The following GPC6 variants were observed in gnomAD, a reference collection of about 807,000 sequenced individuals.
The protein encoded by GPC6 is glypican 6, also known as glypican-6.
Under a neutral mutation model 55.2 loss-of-function variants are expected in GPC6, and 14 were observed. The observed-to-expected ratio is 0.25, with a 90% CI of 0.17 to 0.40. The LOEUF (loss-of-function observed/expected upper bound fraction) is 0.40, where lower values mean the gene tolerates loss of function less well. Ranked by LOEUF, GPC6 falls within the 10% of genes least tolerant of loss-of-function variation. GPC6 has a pLI of 1.00. For synonymous variants in GPC6, 278 were observed against 259.6 expected (o/e 1.07, Z -0.68); for missense variants, 641 against 708.5 (o/e 0.90, Z 1.08).
intron 3 of GPC6, among the ~76,000 whole-genome samples, chr13:93,980,548 A>T (rs1447398704): frequency 6.6e-6 from 1 of 152,104 alleles, no homozygotes; most frequent in Non-Finnish European, 1.5e-5. Flanking sequence ...CTCTAGCTAG[A>T]TCCTCTTTAT....
intron 2 of GPC6, among the ~76,000 whole-genome samples, chr13:93,546,416 T>C (rs1566416514): frequency 6.6e-6 from 1 of 152,218 alleles, no homozygotes; most frequent in Non-Finnish European, 1.5e-5. Context: ...ACAGCAACAC[T>C]GATCTTTTTC....
intron 6 of GPC6, among the ~76,000 whole-genome samples, chr13:94,322,560 C>T (rs1446145475): frequency 1.3e-5 from 2 of 151,926 alleles, no homozygotes; most frequent in South Asian, 2.1e-4. Flanking sequence ...CTGTTTTCAG[C>T]CCAGTTAAAA....
intron 2 of GPC6, among the ~76,000 whole-genome samples, chr13:93,608,715 C>T (rs972905709): frequency 3.3e-5 from 5 of 152,174 alleles, no homozygotes; most frequent in Admixed American, 1.3e-4. Flanking sequence ...AAGTTCTGTG[C>T]AACCGCTGTC....
intron 2 of GPC6, among the ~76,000 whole-genome samples, chr13:93,563,712 C>T (rs941302808): frequency 1.3e-5 from 2 of 149,480 alleles, no homozygotes; most frequent in Non-Finnish European, 3.0e-5. Context: ...TCAAGAAAAA[C>T]GTCTGGAGCC....
At chr13:93,906,581 T>C (rs1008703634) in intron 3 of GPC6, among the ~76,000 whole-genome samples, 1 of 152,176 alleles carries the variant, frequency 6.6e-6, no homozygotes, top group Non-Finnish European at 1.5e-5. Context: ...TGTTATCAGA[T>C]ACTTAAGGCA....
intron 1 of GPC6, among the ~76,000 whole-genome samples, chr13:93,277,184 C>T (rs893657296): frequency 1.3e-5 from 2 of 151,930 alleles, no homozygotes; most frequent in African/African-American, 4.8e-5. Flanking sequence ...ATAATTTTAC[C>T]GTGGGTGAAG....
chr13:93,917,406 A>G (rs2140341622), intron 3 of GPC6, among the ~76,000 whole-genome samples: 1 of 152,322 alleles, frequency 6.6e-6, no homozygotes, highest in Admixed American at 6.5e-5. Flanking sequence ...CCACACACAA[A>G]AAAACATTGT....
chr13:94,117,085 T>C (rs998706626), intron 4 of GPC6, among the ~76,000 whole-genome samples: 1 of 152,098 alleles, frequency 6.6e-6, no homozygotes, highest in African/African-American at 2.4e-5. Flanking sequence ...GACGTTAATA[T>C]CTTGTTAATT....
At chr13:94,296,944 A>G (rs887670192) in intron 5 of GPC6, among the ~76,000 whole-genome samples, 2 of 151,426 alleles carry the variant, frequency 1.3e-5, no homozygotes, top group Non-Finnish European at 2.9e-5. Context: ...AGTTTATACA[A>G]CTTAATTTTT....
intron 2 of GPC6, among the ~76,000 whole-genome samples, chr13:93,584,096 A>G (rs190290950): frequency 6.6e-6 from 1 of 152,340 alleles, no homozygotes; most frequent in East Asian, 1.9e-4. Context: ...TAGGAAAGGG[A>G]ATAATGAATA....
intron 1 of GPC6, among the ~76,000 whole-genome samples, chr13:93,244,280 C>T (rs1284323071): frequency 6.6e-6 from 1 of 152,304 alleles, no homozygotes; most frequent in Non-Finnish European, 1.5e-5. Context: ...CTGCAAGGGC[C>T]GGCTGGGTCC....
At position 93,519,856 on chromosome 13, in the gene GPC6, A is replaced by G. The variant is rs370988060; in HGVS notation, c.161-25407A>G. Among the ~76,000 whole-genome samples, 6 of 152,146 alleles carry G rather than the reference A, an allele frequency of 3.9e-5. No individual in the cohort carries two copies. In the South Asian group the frequency reaches 1.2e-3, roughly 32 times the overall value. On this transcript the variant is annotated intron_variant, in intron 1 of 8. Transcript: ENST00000377047. ...GTGAAACAGAAAATGTGAAAATTCA[A>G]CGTCTTTAAAAGAATGCTTTGCTAT...
chr13:94,011,286 A>G (rs894440835), intron 3 of GPC6, among the ~76,000 whole-genome samples: 6 of 152,190 alleles, frequency 3.9e-5, no homozygotes, highest in Non-Finnish European at 8.8e-5. Context: ...TATAATTTAC[A>G]AATAAAACTG....
At chr13:93,928,732 A>G (rs117326033) in intron 3 of GPC6, among the ~76,000 whole-genome samples, 21,596 of 152,072 alleles carry the variant, frequency 0.14, 1,789 homozygotes, top group Middle Eastern at 0.26. Context: ...ATTCTGTACT[A>G]GTATGACGAG....
intron 4 of GPC6, among the ~76,000 whole-genome samples, chr13:94,040,047 A>C (rs1208251274): frequency 6.6e-6 from 1 of 151,904 alleles, no homozygotes; most frequent in Non-Finnish European, 1.5e-5. Flanking sequence ...TATCATACAT[A>C]TTGACATTTC....
intron 1 of GPC6, among the ~76,000 whole-genome samples, chr13:93,509,897 A>G (rs1050651046): frequency 1.3e-5 from 2 of 152,064 alleles, no homozygotes; most frequent in African/African-American, 2.4e-5. Flanking sequence ...TTGGTTTCTG[A>G]TTCTTAGGCG....
chr13:93,715,864 G>T (rs1444039650), intron 2 of GPC6, among the ~76,000 whole-genome samples: 1 of 151,470 alleles, frequency 6.6e-6, no homozygotes, highest in African/African-American at 2.4e-5. Flanking sequence ...AAATGTATTC[G>T]ATAAGATTGC....
intron 2 of GPC6, among the ~76,000 whole-genome samples, chr13:93,814,505 A>G (rs897679184): frequency 9.9e-5 from 15 of 152,132 alleles, no homozygotes; most frequent in Non-Finnish European, 1.6e-4. Context: ...ATTGGCCAAT[A>G]GAGTTTTTTC....
chr13:94,280,700 G>A (rs1483899249), intron 4 of GPC6, among the ~76,000 whole-genome samples: 2 of 151,980 alleles, frequency 1.3e-5, no homozygotes, highest in South Asian at 4.1e-4. Context: ...AAATTCTTTT[G>A]TATGCTTCTC....
Sources: gnomAD v4.1 joint callset for allele counts (sites outside exome capture counted in the v4.1 genomes callset) on GRCh38, gnomAD v4.1.1 for gene constraint, MANE v1.5 for transcripts, NCBI Gene and HGNC (gene_info 2026-07-23, HGNC 2026-07-21) for gene names.